The following LCLAT1 variants were observed in gnomAD, a reference collection of about 807,000 sequenced individuals.
LCLAT1 encodes 1-AGP acyltransferase 8.
A neutral mutation model predicts 30.7 loss-of-function variants in LCLAT1; 11 were observed. The observed-to-expected ratio is 0.36, with a 90% CI of 0.23 to 0.59. The LOEUF (loss-of-function observed/expected upper bound fraction) is 0.59, where lower values mean the gene tolerates loss of function less well. Ranked by LOEUF, LCLAT1 falls within the 20% of genes least tolerant of loss-of-function variation. LCLAT1 has a pLI of 0.77. For synonymous variants in LCLAT1, 155 were observed against 151.3 expected, an observed-to-expected ratio of 1.02 and a Z score of -0.18; for missense variants, 402 against 458.6, an observed-to-expected ratio of 0.88 and a Z score of 1.13.
chr2:30,601,564 C>T (rs1332587857), intron 5 of LCLAT1, among the ~76,000 whole-genome samples: 1 of 152,026 alleles, frequency 6.6e-6, no homozygotes, highest in Non-Finnish European at 1.5e-5. Flanking sequence ...CCCATGTGGG[C>T]CAGTTGATAT....
chr2:30,533,097 A>T lies in LCLAT1; in HGVS notation c.166-19A>T, dbSNP rs763688346. On this transcript the variant is annotated intron_variant, in intron 2 of 5. Transcript: ENST00000379509. ...AAATCATAACTTTAATTTGCTGTAT[A>T]TCTGTATTGTTTTCTTAGGCATTAT... is the stretch of plus-strand genomic sequence containing the variant. The T allele has an allele frequency of 7.1e-6, 11 of 1,550,296 alleles. No individual in the cohort carries two copies. The highest frequency in any genetic ancestry group is 1.7e-4 in the Middle Eastern group (1 of 5,936).
chr2:30,538,883 A>G (rs1340296555), intron 3 of LCLAT1, among the ~76,000 whole-genome samples: 2 of 152,136 alleles, frequency 1.3e-5, no homozygotes, highest in Admixed American at 1.3e-4. Context: ...TTAAATCAAT[A>G]ATTTAAAAAA....
chr2:30,521,830 T>C (rs1685494294), intron 1 of LCLAT1, among the ~76,000 whole-genome samples: 1 of 152,112 alleles, frequency 6.6e-6, no homozygotes, highest in Admixed American at 6.5e-5. Flanking sequence ...TTGTGTTGTT[T>C]CTTTGTAGTC....
At chr2:30,594,275 T>C (rs1331368480) in intron 5 of LCLAT1, among the ~76,000 whole-genome samples, 1 of 152,178 alleles carries the variant, frequency 6.6e-6, no homozygotes, top group African/African-American at 2.4e-5. Flanking sequence ...ATCCTACTGA[T>C]TCATATAGTT....
chr2:30,562,820 T>G (rs190221466), intron 4 of LCLAT1, among the ~76,000 whole-genome samples: 211 of 152,316 alleles, frequency 1.4e-3, no homozygotes, highest in African/African-American at 5.0e-3. Context: ...ATTTATCCAT[T>G]AGACCCTTCC....
At chr2:30,548,713 T>C (rs765908981) in intron 3 of LCLAT1, among the ~76,000 whole-genome samples, 8 of 152,194 alleles carry the variant, frequency 5.3e-5, no homozygotes, top group Non-Finnish European at 1.2e-4. Context: ...GGATTATCTA[T>C]ATAATGTGGA....
At chr2:30,565,381 C>T (rs981372207) in intron 4 of LCLAT1, among the ~76,000 whole-genome samples, 3 of 152,104 alleles carry the variant, frequency 2.0e-5, no homozygotes, top group Non-Finnish European at 4.4e-5. Context: ...GGGGCCTACT[C>T]CCATTGTGGA....
intron 5 of LCLAT1, among the ~76,000 whole-genome samples, chr2:30,580,931 T>G (rs768427174): frequency 1.5e-4 from 23 of 152,174 alleles, no homozygotes; most frequent in Non-Finnish European, 2.8e-4. Context: ...ATCATCATAG[T>G]TACCCCAAAA....
intron 5 of LCLAT1, among the ~76,000 whole-genome samples, chr2:30,636,391 G>T (rs1478226269): frequency 1.3e-5 from 2 of 152,090 alleles, no homozygotes; most frequent in Non-Finnish European, 2.9e-5. Context: ...AGAGAAAAAG[G>T]GTACAGCCTA....
At chr2:30,461,007 G>T (rs538639346) in intron 1 of LCLAT1, among the ~76,000 whole-genome samples, 31 of 152,264 alleles carry the variant, frequency 2.0e-4, no homozygotes, top group Admixed American at 4.6e-4. Flanking sequence ...CTCTTCCATT[G>T]GGCTGTTCCT....
chr2:30,601,327 C>T (rs768802478), intron 5 of LCLAT1, among the ~76,000 whole-genome samples: 3 of 152,096 alleles, frequency 2.0e-5, no homozygotes, highest in South Asian at 2.1e-4. Context: ...TGCAAAAGAG[C>T]TCCTGAATTT....
rs954248676 is a variant in LCLAT1 at position 30,586,219 on chromosome 2, G to A, written c.628+18043G>A. 2.8e-5 allele frequency among the ~76,000 whole-genome samples: 4 copies of A among 142,052 alleles called. No homozygotes were observed. In the East Asian group the frequency reaches 8.4e-4, roughly 30 times the overall value. 93.2% of individuals were successfully genotyped at this position (142,052 alleles called of 152,430 possible). Reference sequence around the variant, plus strand: ...ATCGCGCCACTGCACTCCAGCCTGGGTGACAGAGCAAGACTCCGTCTCAAA... The same window carrying A: ...ATCGCGCCACTGCACTCCAGCCTGGATGACAGAGCAAGACTCCGTCTCAAA... On this transcript the variant is annotated intron_variant, in intron 5 of 5. Coordinates refer to ENST00000379509, the MANE Select transcript of LCLAT1 (RefSeq NM_001002257.3).
At chr2:30,498,007 C>T (rs1684201132) in intron 1 of LCLAT1, among the ~76,000 whole-genome samples, 1 of 152,090 alleles carries the variant, frequency 6.6e-6, no homozygotes, top group Non-Finnish European at 1.5e-5. Flanking sequence ...CTGCTGCTTG[C>T]CAGTTATATG....
intron 1 of LCLAT1, among the ~76,000 whole-genome samples, chr2:30,508,102 T>C (rs1684761888): frequency 6.6e-6 from 1 of 152,164 alleles, no homozygotes; most frequent in Non-Finnish European, 1.5e-5. Flanking sequence ...TTTTGAAAAG[T>C]GTCTGTTCAT....
At chr2:30,484,759 C>T (rs560551503) in intron 1 of LCLAT1, among the ~76,000 whole-genome samples, 7 of 151,732 alleles carry the variant, frequency 4.6e-5, no homozygotes, top group Admixed American at 1.3e-4. Context: ...CATTCAGTAA[C>T]ATTTGACAGT....
chr2:30,479,749 T>C (rs1200067556), intron 1 of LCLAT1, among the ~76,000 whole-genome samples: 1 of 152,204 alleles, frequency 6.6e-6, no homozygotes, highest in Non-Finnish European at 1.5e-5. Context: ...TACTTAGGAT[T>C]TGTGTATTTT....
chr2:30,602,955 G>C (rs1667262483), intron 5 of LCLAT1, among the ~76,000 whole-genome samples: 1 of 152,166 alleles, frequency 6.6e-6, no homozygotes, highest in African/African-American at 2.4e-5. Flanking sequence ...GCATGGATTT[G>C]AGAACTGGAA....
At chr2:30,629,513 T>C (rs751625746) in intron 5 of LCLAT1, among the ~76,000 whole-genome samples, 5 of 152,122 alleles carry the variant, frequency 3.3e-5, no homozygotes, top group Non-Finnish European at 7.3e-5. Context: ...TGAGCTGAGA[T>C]CGCGCCATTG....
chr2:30,599,426 TGAG>T (rs929017764), intron 5 of LCLAT1, among the ~76,000 whole-genome samples: 10 of 152,256 alleles, frequency 6.6e-5, no homozygotes, highest in African/African-American at 2.4e-4. Context: ...CATGTGGCGC[TGAG>T]AAGAATGTAT....
Sources: allele counts gnomAD v4.1 joint callset (sites outside exome capture counted in the v4.1 genomes callset), GRCh38; gene constraint gnomAD v4.1.1; transcripts MANE v1.5; gene names NCBI Gene and HGNC (gene_info 2026-07-23, HGNC 2026-07-21).